Variants in ABCB11 observed in about 807,000 individuals in gnomAD.
The protein encoded by ABCB11 is bile salt export pump.
A neutral mutation model predicts 148.0 loss-of-function variants in ABCB11; 95 were observed. That is an observed-to-expected ratio of 0.64 (90% CI 0.54 to 0.76). ABCB11 has a LOEUF of 0.76. ABCB11 is among the 30% of genes least tolerant of loss of function. The pLI is 0.00. For missense variants in ABCB11, 1,523 were observed against 1,617.8 expected (o/e 0.94, Z 1.01); for synonymous variants, 591 against 555.4 (o/e 1.06, Z -0.90).
chr2:168,945,645 T>G (rs1692273573), intron 19 of ABCB11, among the ~76,000 whole-genome samples: 2 of 141,234 alleles, frequency 1.4e-5, no homozygotes, highest in African/African-American at 2.6e-5. Flanking sequence ...AGAGAGGGAG[T>G]TATGAAGGAA....
chr2:169,004,978 T>C (rs1354270199), intron 5 of ABCB11, among the ~76,000 whole-genome samples: 1 of 152,148 alleles, frequency 6.6e-6, no homozygotes, highest in Non-Finnish European at 1.5e-5. Context: ...GGCAAGAGTC[T>C]GCAAAGAGTC....
chr2:169,008,148 G>A (rs1695077989), intron 5 of ABCB11, among the ~76,000 whole-genome samples: 1 of 152,090 alleles, frequency 6.6e-6, no homozygotes, highest in African/African-American at 2.4e-5. Context: ...GATGGCTATT[G>A]TATTGGTTTC....
chr2:168,971,516 G>C lies in ABCB11; in HGVS notation c.1638+331C>G, dbSNP rs374010689. On this transcript the variant is annotated intron_variant, in intron 14 of 27. Coordinates refer to ENST00000650372, the MANE Select transcript of ABCB11 (RefSeq NM_003742.4). The stretch of plus-strand genomic sequence containing the variant: ...CCACATGACATTTAGCATCTGCTTA[G>C]ACAAATGCTTAATAAAAGGAATAAG... Among the ~76,000 whole-genome samples, 20 of 152,098 alleles carry C rather than the reference G, an allele frequency of 1.3e-4. No homozygotes were observed. In the East Asian group the frequency reaches 2.1e-3, roughly 16 times the overall value.
intron 26 of ABCB11, 81 bp from the exon 27 acceptor site, chr2:168,924,884 C>T: frequency 8.4e-7 from 1 of 1,192,412 alleles, no homozygotes; most frequent in Admixed American, 2.5e-5. Context: ...AAGGTCTCCT[C>T]TGTAATTTAA....
intron 13 of ABCB11, among the ~76,000 whole-genome samples, chr2:168,972,458 TAA>T (rs3836043): frequency 0.57 from 86,642 of 151,464 alleles, 25,023 homozygotes; most frequent in East Asian, 0.75. Flanking sequence ...TGATTTATAG[TAA>T]GTCTTACTTT....
At chr2:168,970,469 C>A in intron 14 of ABCB11, 2 of 975,142 alleles carry the variant, frequency 2.1e-6, no homozygotes, top group East Asian at 3.5e-5. Context: ...TTTAGCTCAA[C>A]TTCAAATAAG....
At chr2:168,964,604 A>G (rs557532356) in intron 17 of ABCB11, among the ~76,000 whole-genome samples, 25 of 151,142 alleles carry the variant, frequency 1.7e-4, no homozygotes, top group Admixed American at 1.5e-3. Flanking sequence ...TCATCAAAAA[A>G]CCACCTAAGG....
intron 5 of ABCB11, among the ~76,000 whole-genome samples, chr2:169,007,254 A>C (rs1347607218): frequency 6.6e-6 from 1 of 151,694 alleles, no homozygotes; most frequent in Non-Finnish European, 1.5e-5. Context: ...AATGGGGAAA[A>C]AATAGTTGTT....
At chr2:169,029,064 C>A (rs1695784356) in intron 1 of ABCB11, among the ~76,000 whole-genome samples, 1 of 152,018 alleles carries the variant, frequency 6.6e-6, no homozygotes, top group Non-Finnish European at 1.5e-5. Context: ...AGCACCCGCC[C>A]CCACCATGCC....
chr2:168,976,645 C>G lies in ABCB11; in HGVS notation c.1240G>C (p.Asp414His). ...DCMSEDGYKL[D>H]RIKGEIEFHN... ...AATTCAATTTCACCCTTGATTCGAT[C>G]CAACTTGTAACCATCTTCTGACATG... is the stretch of plus-strand genomic sequence containing the variant. The change falls in exon 12 of 28, where the codon GAT (aspartate) becomes CAT (histidine). Residue 414 changes from aspartate to histidine, a missense_variant. Physicochemically the swap from Asp to His is moderately conservative, Grantham distance 81. Transcript: ENST00000650372. 6.2e-7 allele frequency: 1 copy of G among 1,611,334 alleles called. No homozygotes were observed. The highest frequency in any genetic ancestry group is 8.5e-7 in the Non-Finnish European group (1 of 1,178,122).
intron 5 of ABCB11, among the ~76,000 whole-genome samples, chr2:169,010,450 T>C (rs1455963428): frequency 6.6e-6 from 1 of 152,154 alleles, no homozygotes; most frequent in Non-Finnish European, 1.5e-5. Context: ...TAGATTACAA[T>C]TGACATGTGG....
At chr2:169,003,688 G>T (rs961287491) in intron 5 of ABCB11, among the ~76,000 whole-genome samples, 1 of 152,078 alleles carries the variant, frequency 6.6e-6, no homozygotes, top group Admixed American at 6.5e-5. Flanking sequence ...CATAGTGGTT[G>T]TACTAGTTTA....
chr2:169,007,419 G>A (rs1486200893), intron 5 of ABCB11, among the ~76,000 whole-genome samples: 2 of 152,112 alleles, frequency 1.3e-5, no homozygotes, highest in African/African-American at 2.4e-5. Context: ...ACCTGAGACT[G>A]GGTAACTTAT....
At chr2:169,016,670 T>C in intron 3 of ABCB11, 108 bp downstream of exon 3, 1 of 854,856 alleles carries the variant, frequency 1.2e-6, no homozygotes, top group South Asian at 1.6e-5. Context: ...TATATTATTT[T>C]ATATGAAGTG....
In ABCB11 at chr2:168,923,771, T is replaced by C. The variant is rs756792557; in HGVS notation, c.3817A>G (p.Ile1273Val). The C allele has an allele frequency of 6.2e-7, 1 of 1,613,912 alleles. No individual in the cohort carries two copies. The highest frequency in any genetic ancestry group is 1.7e-5 in the Admixed American group (1 of 60,012). ...TGGATGGTGGACAAGCGATGGGCAA[T>C]GACAATGCAGGTCCGACCCTCTCTG... is the stretch of plus-strand genomic sequence containing the variant. ...KAREGRTCIVIAHRLSTIQNA... is the reference protein window; with the variant it reads ...KAREGRTCIVVAHRLSTIQNA... Residue 1273 changes from isoleucine to valine, a missense_variant, in exon 28 of 28, where the codon ATT (isoleucine) becomes GTT (valine). Ile to Val is a conservative substitution (Grantham distance 29). Transcript: ENST00000650372.
At chr2:168,942,990 A>C (rs1692135754) in intron 21 of ABCB11, among the ~76,000 whole-genome samples, 1 of 151,940 alleles carries the variant, frequency 6.6e-6, no homozygotes, top group Non-Finnish European at 1.5e-5. Context: ...ACCTCACACT[A>C]ATCTTAAGAT....
chr2:168,964,022 C>A (rs1693188771), intron 18 of ABCB11, among the ~76,000 whole-genome samples, 184 bp downstream of exon 18: 1 of 151,802 alleles, frequency 6.6e-6, no homozygotes, highest in Non-Finnish European at 1.5e-5. Context: ...ATTAACTAAT[C>A]TGCATTAAAA....
Position 168,968,411 on chromosome 2 carries a change from C to T in ABCB11, c.2075+16G>A. 1 of 1,608,004 alleles carries T rather than the reference C, an allele frequency of 6.2e-7. No homozygotes were observed. Among genetic ancestry groups the T allele is most frequent in the Non-Finnish European group, 8.5e-7 (1 of 1,176,824 alleles). The stretch of plus-strand genomic sequence containing the variant: ...TATTTGGAAAGCTTGTAATCTGCCC[C>T]ATGGCTTGAGCTTACCTTAAACTAT... On this transcript the variant is annotated intron_variant, in intron 17 of 27. Coordinates refer to ENST00000650372, the MANE Select transcript of ABCB11 (RefSeq NM_003742.4).
intron 17 of ABCB11, among the ~76,000 whole-genome samples, chr2:168,966,060 A>G (rs1693302984): frequency 6.6e-6 from 1 of 151,802 alleles, no homozygotes; most frequent in Non-Finnish European, 1.5e-5. Flanking sequence ...AACTTCTGGG[A>G]CACCTCCAGA....
Sources: allele counts gnomAD v4.1 joint callset (sites outside exome capture counted in the v4.1 genomes callset), GRCh38; gene constraint gnomAD v4.1.1; transcripts MANE v1.5; gene names NCBI Gene and HGNC (gene_info 2026-07-23, HGNC 2026-07-21).